Variants in LPIN2 observed in about 807,000 individuals in gnomAD.
LPIN2 encodes the protein lipin 2, also known as phosphatidate phosphatase LPIN2.
Under a neutral mutation model 111.4 loss-of-function variants are expected in LPIN2, and 55 were observed. That is an observed-to-expected ratio of 0.49 (90% CI 0.40 to 0.62). The LOEUF is 0.62. LPIN2 is among the 20% of genes least tolerant of loss of function. LPIN2 has a pLI of 0.00. For synonymous variants in LPIN2, 425 were observed against 414.0 expected (o/e 1.03, Z -0.32); for missense variants, 992 against 1,112.1 (o/e 0.89, Z 1.54).
chr18:2,946,535 A>G, intron 4 of LPIN2: 2 of 1,538,886 alleles, frequency 1.3e-6, no homozygotes, highest in Non-Finnish European at 1.8e-6. Context: ...CAGCAAGGCC[A>G]TTTTTTTTCC....
chr18:3,007,505 A>G (rs1358896438), intron 1 of LPIN2, among the ~76,000 whole-genome samples: 3 of 152,230 alleles, frequency 2.0e-5, no homozygotes, highest in African/African-American at 7.2e-5. Flanking sequence ...AATACTGTTA[A>G]AAGAGTTTAA....
chr18:2,921,735 C>T, intron 17 of LPIN2, 88 bp from the exon 18 acceptor site: 1 of 917,170 alleles, frequency 1.1e-6, no homozygotes, highest in Non-Finnish European at 1.8e-6. Flanking sequence ...CTCACAACCA[C>T]CCAATTTCTT....
At chr18:2,924,329 C>A in intron 15 of LPIN2, 69 bp downstream of exon 15, 1 of 1,599,840 alleles carries the variant, frequency 6.3e-7, no homozygotes, top group Non-Finnish European at 8.6e-7. Flanking sequence ...GAACTCCCCA[C>A]CACACACTGC....
At chr18:2,923,900 C>A in intron 15 of LPIN2, 39 bp from the exon 16 acceptor site, 2 of 1,509,446 alleles carry the variant, frequency 1.3e-6, no homozygotes, top group South Asian at 2.3e-5. Context: ...TATCAGGAAT[C>A]AAACACATAC....
intron 2 of LPIN2, among the ~76,000 whole-genome samples, chr18:2,958,158 C>CTTTTATAAAAAAAAAAAAAAAA (rs2077646598): frequency 2.8e-5 from 1 of 35,352 alleles, no homozygotes; most frequent in Non-Finnish European, 5.2e-5. Context: ...AAAAAAAAAA[C>CTTTTATAAAAAAAAAAAAAAAA]AACAAAAAAA....
chr18:2,945,851 T>C (rs2077443296), intron 4 of LPIN2: 2 of 1,471,334 alleles, frequency 1.4e-6, no homozygotes, highest in South Asian at 1.1e-5. Context: ...GCCAGTCATG[T>C]CTACATGGAA....
rs2077027386 is a variant in LPIN2, at chr18:2,919,900, G to A, written c.*393C>T. ...ACATCTGAAGACAGCCCTGGTTACA[G>A]AAGCCACCTCAACTGCCCAGTGGAA... On this transcript the variant is annotated 3_prime_UTR_variant, in exon 20 of 20. Transcript: ENST00000677752. 2.0e-5 allele frequency: 6 copies of A among 303,458 alleles called. No homozygotes were observed. The highest frequency in any genetic ancestry group is 8.2e-5 in the East Asian group (1 of 12,256). 18.8% of individuals were successfully genotyped at this position (303,458 alleles called of 1,614,324 possible).
rs186853028 is a variant in LPIN2, at chr18:2,938,321, C to T, written c.823-284G>A. Among the ~76,000 whole-genome samples the T allele has an allele frequency of 2.6e-5, 4 of 151,824 alleles. No homozygotes were observed. The East Asian group carries it at 7.8e-4, about 30-fold the overall frequency. Reference sequence around the variant, plus strand: ...GGCAGATCACTTGAGGTCAGGAGTTCGAGATTAGCCTGGCCAACAGGATGA... The same window carrying T: ...GGCAGATCACTTGAGGTCAGGAGTTTGAGATTAGCCTGGCCAACAGGATGA... On this transcript the variant is annotated intron_variant, in intron 6 of 19. Coordinates refer to ENST00000677752, the MANE Select transcript of LPIN2 (RefSeq NM_001375808.2).
At chr18:3,006,555 G>A (rs931778955) in intron 1 of LPIN2, among the ~76,000 whole-genome samples, 2 of 152,130 alleles carry the variant, frequency 1.3e-5, no homozygotes, top group Admixed American at 1.3e-4. Context: ...AGCCAAGCAT[G>A]GGCCGGGCGC....
At chr18:2,964,300 A>AG (rs1415011126) in intron 1 of LPIN2, among the ~76,000 whole-genome samples, 1 of 150,984 alleles carries the variant, frequency 6.6e-6, no homozygotes, top group South Asian at 2.1e-4. Flanking sequence ...AAAAAAAAAA[A>AG]AAAAAGAAAT....
intron 1 of LPIN2, chr18:2,985,545 T>C (rs1229953418): frequency 2.0e-5 from 3 of 152,192 alleles, no homozygotes; most frequent in Non-Finnish European, 1.5e-5. Context: ...GCTAAAATGC[T>C]AGTTAGGAAA....
intron 1 of LPIN2, among the ~76,000 whole-genome samples, chr18:2,999,250 A>C (rs1013288768): frequency 2.0e-5 from 3 of 152,168 alleles, no homozygotes; most frequent in Non-Finnish European, 2.9e-5. Context: ...TTCAAGTTAA[A>C]ACGAGGTCAT....
Position 2,934,453 on chromosome 18 carries a change from G to GT in LPIN2, c.1169-4dup. 6.3e-7 allele frequency: 1 copy of GT among 1,588,582 alleles called. No individual in the cohort carries two copies. On this transcript the variant is annotated splice_region_variant and splice_polypyrimidine_tract_variant and intron_variant, in intron 7 of 19. Transcript: ENST00000677752. ...GTGTTGGCTTCTTTTGTGAACACCT[G>GT]TTTAAAAAAAAAATCAGAGGTAAGA...
intron 1 of LPIN2, among the ~76,000 whole-genome samples, chr18:2,980,036 T>C (rs543821732): frequency 6.6e-6 from 1 of 152,194 alleles, no homozygotes; most frequent in East Asian, 1.9e-4. Flanking sequence ...CTCCTAAAAC[T>C]TAGGGGAGTT....
In LPIN2 at chr18:2,945,947, T is replaced by C; in HGVS notation, c.590+5108A>G. On this transcript the variant is annotated intron_variant, in intron 4 of 19. Transcript: ENST00000677752. ...TCTAAGAATGTATTAAAATCAGAAG[T>C]TTTTCTTCTACAACAGCTCCAGTAT... The C allele has an allele frequency of 2.1e-6, 3 of 1,401,642 alleles. No individual in the cohort carries two copies. In the South Asian group the frequency reaches 3.5e-5, roughly 16 times the overall value. 86.8% of individuals were successfully genotyped at this position (1,401,642 alleles called of 1,614,324 possible).
intron 1 of LPIN2, among the ~76,000 whole-genome samples, chr18:3,005,971 G>C (rs1472345363): frequency 7.9e-5 from 12 of 152,166 alleles, no homozygotes; most frequent in Non-Finnish European, 1.6e-4. Flanking sequence ...TGGGCAGTGG[G>C]GCAGCATAGG....
chr18:2,960,197 T>C (rs2077689938), intron 2 of LPIN2, among the ~76,000 whole-genome samples: 2 of 151,664 alleles, frequency 1.3e-5, no homozygotes, highest in Admixed American at 1.3e-4. Context: ...TGTGTGTGTG[T>C]GTGTGTGTGT....
At chr18:2,924,281 T>C in intron 15 of LPIN2, 117 bp downstream of exon 15, 13 of 1,323,972 alleles carry the variant, frequency 9.8e-6, no homozygotes, top group Non-Finnish European at 1.3e-5. Context: ...ATATGGCTTA[T>C]AAAATGCCTT....
At chr18:2,964,366 C>T (rs1195204089) in intron 1 of LPIN2, among the ~76,000 whole-genome samples, 1 of 149,696 alleles carries the variant, frequency 6.7e-6, no homozygotes, top group Non-Finnish European at 1.5e-5. Context: ...CCACCACCAC[C>T]AAATTCATAT....
Sources: gnomAD v4.1 joint callset for allele counts (sites outside exome capture counted in the v4.1 genomes callset) on GRCh38, gnomAD v4.1.1 for gene constraint, MANE v1.5 for transcripts, NCBI Gene and HGNC (gene_info 2026-07-23, HGNC 2026-07-21) for gene names.